The following RBFOX1 variants were observed in gnomAD, a reference collection of about 807,000 sequenced individuals.
RBFOX1 encodes RNA binding fox-1 homolog 1.
RBFOX1 carries 8 observed loss-of-function variants against 57.7 expected under a neutral mutation model. The observed-to-expected ratio is 0.14, with a 90% CI of 0.08 to 0.25. The LOEUF is 0.25. Ranked by LOEUF, RBFOX1 falls within the 10% of genes least tolerant of loss-of-function variation. The pLI, the probability that RBFOX1 is intolerant of heterozygous loss-of-function variation, is 1.00. For synonymous variants in RBFOX1, 326 were observed against 222.4 expected, an observed-to-expected ratio of 1.47 and a Z score of -4.15; for missense variants, 611 against 548.5, an observed-to-expected ratio of 1.11 and a Z score of -1.14.
intron 3 of RBFOX1, among the ~76,000 whole-genome samples, chr16:6,777,850 G>C (rs930678036): frequency 6.6e-6 from 1 of 152,110 alleles, no homozygotes; most frequent in Admixed American, 6.6e-5. Flanking sequence ...TGCACTAAGA[G>C]TATTCCTCAG....
chr16:6,435,574 G>T (rs113672772), intron 2 of RBFOX1, among the ~76,000 whole-genome samples: 2 of 152,116 alleles, frequency 1.3e-5, no homozygotes, highest in African/African-American at 4.8e-5. Context: ...AAAGTTCTGG[G>T]ATTACAGGTG....
chr16:6,455,870 G>T (rs1203416484), intron 2 of RBFOX1, among the ~76,000 whole-genome samples: 1 of 152,050 alleles, frequency 6.6e-6, no homozygotes, highest in East Asian at 1.9e-4. Context: ...GAAATTACGT[G>T]GTGAGCCTAG....
intron 1 of RBFOX1, among the ~76,000 whole-genome samples, chr16:6,174,580 G>A (rs1312639029): frequency 6.6e-6 from 1 of 152,192 alleles, no homozygotes; most frequent in Admixed American, 6.5e-5. Context: ...GGGTGACAGA[G>A]TGAGAGCCTA....
chr16:7,108,286 T>C (rs2063974507), intron 4 of RBFOX1, among the ~76,000 whole-genome samples: 1 of 152,172 alleles, frequency 6.6e-6, no homozygotes, highest in Non-Finnish European at 1.5e-5. Flanking sequence ...TCAACATATA[T>C]GCTCACAATC....
chr16:5,621,541 G>C (rs1393391823), intron 3 of RBFOX1, among the ~76,000 whole-genome samples: 2 of 152,162 alleles, frequency 1.3e-5, no homozygotes, highest in African/African-American at 4.8e-5. Flanking sequence ...GGGAGGGCAG[G>C]AGGGTTTACA....
At chr16:6,151,898 A>C (rs571324758) in intron 1 of RBFOX1, among the ~76,000 whole-genome samples, 1 of 152,204 alleles carries the variant, frequency 6.6e-6, no homozygotes, top group Non-Finnish European at 1.5e-5. Context: ...CTTGAAGAGC[A>C]TTACTAAGAT....
At chr16:6,799,346 T>C (rs190498523) in intron 3 of RBFOX1, among the ~76,000 whole-genome samples, 3 of 152,286 alleles carry the variant, frequency 2.0e-5, no homozygotes, top group African/African-American at 7.2e-5. Flanking sequence ...GGTGCAAAAG[T>C]AATGGCAGTC....
intron 4 of RBFOX1, among the ~76,000 whole-genome samples, chr16:7,336,022 A>G (rs888681607): frequency 1.3e-5 from 2 of 152,196 alleles, no homozygotes; most frequent in Non-Finnish European, 2.9e-5. Flanking sequence ...CCCCCTTGAT[A>G]GAGATCCCGA....
chr16:5,811,707 C>A (rs535214699), intron 3 of RBFOX1, among the ~76,000 whole-genome samples: 33 of 151,566 alleles, frequency 2.2e-4, no homozygotes, highest in Middle Eastern at 6.9e-3. Context: ...CCTTGGCCTC[C>A]CAAAGTGCTG....
chr16:5,502,106 A>G (rs1006134389), intron 2 of RBFOX1, among the ~76,000 whole-genome samples: 4 of 151,930 alleles, frequency 2.6e-5, no homozygotes, highest in African/African-American at 9.7e-5. Context: ...AGTGACCAGT[A>G]TGGCCGGCAG....
intron 1 of RBFOX1, among the ~76,000 whole-genome samples, chr16:5,319,068 G>C (rs909415950): frequency 6.6e-6 from 1 of 152,042 alleles, no homozygotes; most frequent in African/African-American, 2.4e-5. Flanking sequence ...TGGAGGTTGC[G>C]GTGAGCCGAG....
intron 3 of RBFOX1, among the ~76,000 whole-genome samples, chr16:5,803,136 G>A (rs2342737): frequency 0.53 from 80,608 of 151,938 alleles, 22,132 homozygotes; most frequent in African/African-American, 0.68. Context: ...CTCTCCATCC[G>A]CTGTATCCCT....
At chr16:6,133,274 C>G (rs1203513567) in intron 1 of RBFOX1, among the ~76,000 whole-genome samples, 1 of 152,166 alleles carries the variant, frequency 6.6e-6, no homozygotes, top group African/African-American at 2.4e-5. Flanking sequence ...GTTGATTGTG[C>G]TATCTTCCTC....
chr16:6,875,321 C>T (rs1486853421), intron 3 of RBFOX1, among the ~76,000 whole-genome samples: 1 of 152,072 alleles, frequency 6.6e-6, no homozygotes, highest in Non-Finnish European at 1.5e-5. Flanking sequence ...TTTAGAGAAA[C>T]ATTTATATTT....
intron 4 of RBFOX1, among the ~76,000 whole-genome samples, chr16:7,071,398 T>C (rs1208815804): frequency 6.6e-6 from 1 of 152,148 alleles, no homozygotes; most frequent in East Asian, 1.9e-4. Context: ...GAGAGTATTA[T>C]TACCCCTCCT....
chr16:7,033,125 GA>G (rs1568458122), intron 3 of RBFOX1, among the ~76,000 whole-genome samples: 2 of 152,158 alleles, frequency 1.3e-5, no homozygotes, highest in Non-Finnish European at 2.9e-5. Context: ...ACAGGGCAGG[GA>G]AGAAGGAAAG....
intron 3 of RBFOX1, among the ~76,000 whole-genome samples, chr16:6,833,517 C>G (rs928001963): frequency 6.6e-6 from 1 of 152,116 alleles, no homozygotes; most frequent in Admixed American, 6.5e-5. Flanking sequence ...CCTTGACTTC[C>G]CAGACTGGAA....
chr16:7,168,868 A>T (rs1055887158), intron 4 of RBFOX1, among the ~76,000 whole-genome samples: 1 of 152,218 alleles, frequency 6.6e-6, no homozygotes, highest in Non-Finnish European at 1.5e-5. Flanking sequence ...ACTTTCAAAT[A>T]GGAGGAGTGT....
chr16:7,007,496 A>G (rs1419863569), intron 3 of RBFOX1, among the ~76,000 whole-genome samples: 9 of 152,190 alleles, frequency 5.9e-5, no homozygotes, highest in African/African-American at 2.2e-4. Flanking sequence ...CATGTCACGC[A>G]TCGTATTGAC....
Sources: allele counts gnomAD v4.1 joint callset (sites outside exome capture counted in the v4.1 genomes callset), GRCh38; gene constraint gnomAD v4.1.1; transcripts MANE v1.5; gene names NCBI Gene and HGNC (gene_info 2026-07-23, HGNC 2026-07-21).